The following DIAPH3 variants were observed in gnomAD, a reference collection of about 807,000 sequenced individuals.
The protein encoded by DIAPH3 is diaphanous related formin 3.
A neutral mutation model predicts 144.3 loss-of-function variants in DIAPH3; 117 were observed. That is an observed-to-expected ratio of 0.81 (90% CI 0.70 to 0.95). DIAPH3 has a LOEUF of 0.95. Among genes scored for constraint, DIAPH3 ranks in the 40% least tolerant of loss-of-function variants. The probability of loss-of-function intolerance (pLI) is 0.00; values close to 1 mark genes in which losing one functional copy is unlikely to be tolerated. For synonymous variants in DIAPH3, 519 were observed against 488.9 expected (o/e 1.06, Z -0.81); for missense variants, 1,421 against 1,412.7 (o/e 1.01, Z -0.09).
intron 17 of DIAPH3, among the ~76,000 whole-genome samples, chr13:59,942,599 A>C (rs2048590125): frequency 6.6e-6 from 1 of 152,188 alleles, no homozygotes; most frequent in Non-Finnish European, 1.5e-5. Flanking sequence ...CCCACACATT[A>C]ATACAAATAT....
chr13:60,082,084 G>A (rs1201865999), intron 4 of DIAPH3, among the ~76,000 whole-genome samples: 2 of 150,754 alleles, frequency 1.3e-5, no homozygotes, highest in East Asian at 3.9e-4. Context: ...GAATATATAA[G>A]ACATGAAAAA....
intron 21 of DIAPH3, among the ~76,000 whole-genome samples, chr13:59,866,220 G>A (rs1593743307): frequency 6.6e-6 from 1 of 151,982 alleles, no homozygotes; most frequent in Non-Finnish European, 1.5e-5. Context: ...CACATGTTAA[G>A]TGCTTAAAAC....
chr13:59,689,468 T>C (rs769804133), intron 27 of DIAPH3, among the ~76,000 whole-genome samples: 8 of 151,978 alleles, frequency 5.3e-5, no homozygotes, highest in Non-Finnish European at 1.0e-4. Context: ...TGGCTCCTAA[T>C]AGAGAATAAA....
At chr13:60,108,876 A>C (rs1297252339) in intron 3 of DIAPH3, among the ~76,000 whole-genome samples, 1 of 151,966 alleles carries the variant, frequency 6.6e-6, no homozygotes, top group African/African-American at 2.4e-5. Flanking sequence ...AATTTTGGTG[A>C]GTGGGTGTGT....
chr13:59,791,234 T>G (rs2039310367), intron 25 of DIAPH3, among the ~76,000 whole-genome samples: 1 of 152,170 alleles, frequency 6.6e-6, no homozygotes, highest in South Asian at 2.1e-4. Context: ...CCTACCAAAG[T>G]GTTGGGATTA....
intron 1 of DIAPH3, among the ~76,000 whole-genome samples, chr13:60,157,324 G>C (rs1036524738): frequency 1.3e-5 from 2 of 152,136 alleles, no homozygotes; most frequent in Admixed American, 6.6e-5. Flanking sequence ...ATGACCAGAA[G>C]ACTATGGCAA....
intron 27 of DIAPH3, among the ~76,000 whole-genome samples, chr13:59,732,750 TGATA>T (rs1436449873): frequency 1.3e-5 from 2 of 152,128 alleles, no homozygotes; most frequent in Non-Finnish European, 2.9e-5. Flanking sequence ...TGTGCTGGCC[TGATA>T]GATATATATA....
At chr13:59,807,819 A>G (rs1311633287) in intron 25 of DIAPH3, among the ~76,000 whole-genome samples, 1 of 152,104 alleles carries the variant, frequency 6.6e-6, no homozygotes, top group Non-Finnish European at 1.5e-5. Flanking sequence ...CGTTTCTTTA[A>G]ATCTATTGTT....
At chr13:60,083,699 A>G (rs1008393819) in intron 4 of DIAPH3, among the ~76,000 whole-genome samples, 1 of 152,100 alleles carries the variant, frequency 6.6e-6, no homozygotes, top group African/African-American at 2.4e-5. Context: ...ACTTGCTTCA[A>G]CAGTGATTGG....
At chr13:59,865,684 G>A (rs537496618) in intron 21 of DIAPH3, among the ~76,000 whole-genome samples, 1 of 152,008 alleles carries the variant, frequency 6.6e-6, no homozygotes, top group Admixed American at 6.6e-5. Flanking sequence ...GTTAAAAGTG[G>A]ATCCTGTAAT....
intron 20 of DIAPH3, among the ~76,000 whole-genome samples, chr13:59,889,753 C>T (rs2045672921): frequency 6.6e-6 from 1 of 152,024 alleles, no homozygotes. Context: ...CTTATTTGAG[C>T]AGTCAAATCA....
At chr13:59,813,546 A>G (rs577181518) in intron 24 of DIAPH3, among the ~76,000 whole-genome samples, 70 of 152,208 alleles carry the variant, frequency 4.6e-4, no homozygotes, top group African/African-American at 1.6e-3. Flanking sequence ...GCTATGAGAC[A>G]AAAGTTGTAA....
In DIAPH3 at chr13:59,905,901, T is replaced by C. The variant is rs1292217149; in HGVS notation, c.2367+5834A>G. On this transcript the variant is annotated intron_variant, in intron 20 of 27. Transcript: ENST00000400324. ...CCCAAGCTAAACCATTTTGGACTATTGATCTCCAGAATTGTAAGATCATAA... is the reference window on the plus strand; with the variant it reads ...CCCAAGCTAAACCATTTTGGACTATCGATCTCCAGAATTGTAAGATCATAA... Among the ~76,000 whole-genome samples, 4 of 152,226 alleles carry C rather than the reference T, an allele frequency of 2.6e-5. No homozygotes were observed. The East Asian group carries it at 7.7e-4, about 29-fold the overall frequency.
intron 17 of DIAPH3, among the ~76,000 whole-genome samples, chr13:59,967,689 C>T (rs1202004035): frequency 6.6e-6 from 1 of 152,094 alleles, no homozygotes; most frequent in Non-Finnish European, 1.5e-5. Flanking sequence ...GTCATATATT[C>T]TCCTTGATTG....
At chr13:60,150,145 C>A (rs1305126031) in intron 1 of DIAPH3, among the ~76,000 whole-genome samples, 3 of 152,094 alleles carry the variant, frequency 2.0e-5, no homozygotes, top group African/African-American at 7.2e-5. Flanking sequence ...CCTCAGCCTT[C>A]CAAGCAGCTG....
At chr13:59,937,796 G>A (rs1039962853) in intron 17 of DIAPH3, among the ~76,000 whole-genome samples, 1 of 152,082 alleles carries the variant, frequency 6.6e-6, no homozygotes, top group Admixed American at 6.6e-5. Context: ...TCTTGTTTTG[G>A]GAGGTGGGGA....
chr13:60,096,957 G>T (rs1594655808), intron 3 of DIAPH3, among the ~76,000 whole-genome samples: 1 of 152,278 alleles, frequency 6.6e-6, no homozygotes, highest in East Asian at 1.9e-4. Flanking sequence ...TTATAATCAT[G>T]TGAGCCAGTT....
intron 17 of DIAPH3, among the ~76,000 whole-genome samples, chr13:59,947,253 G>A (rs748913543): frequency 2.0e-5 from 3 of 152,176 alleles, no homozygotes; most frequent in Non-Finnish European, 4.4e-5. Context: ...ATGGGGTACT[G>A]TAATGCATTA....
rs1283407677 is a variant in DIAPH3 at position 60,163,747 on chromosome 13, C to G, written c.20G>C (p.Arg7Pro). ...TGAGCCTTGGGCCGGGTGGTGCAGC[C>G]GCGGCTGGTGCCGTTCCATCTTTCC... MERHQP[R>P]LHHPAQGSAA... is the part of the protein sequence containing the mutation. The change falls in exon 1 of 28, where the codon CGG (arginine) becomes CCG (proline). Residue 7 changes from arginine to proline, a missense_variant. Transcript: ENST00000400324. 1.9e-6 allele frequency: 3 copies of G among 1,597,070 alleles called. No individual in the cohort carries two copies. Among genetic ancestry groups the G allele is most frequent in the African/African-American group, 1.3e-5 (1 of 74,662 alleles).
Sources: allele counts gnomAD v4.1 joint callset (sites outside exome capture counted in the v4.1 genomes callset), GRCh38; gene constraint gnomAD v4.1.1; transcripts MANE v1.5; gene names NCBI Gene and HGNC (gene_info 2026-07-23, HGNC 2026-07-21).